TCFL5: variants seen among roughly 807,000 people sequenced by gnomAD.
TCFL5 encodes transcription factor like 5.
TCFL5 carries 9 observed loss-of-function variants against 44.3 expected under a neutral mutation model. The ratio of observed to expected loss-of-function variants is 0.20; its 90% CI spans 0.12 to 0.35. TCFL5 has a LOEUF of 0.35. Among genes scored for constraint, TCFL5 ranks in the 10% least tolerant of loss-of-function variants. The pLI is 1.00. For missense variants in TCFL5, 603 were observed against 613.4 expected, an observed-to-expected ratio of 0.98 and a Z score of 0.18; for synonymous variants, 319 against 271.6, an observed-to-expected ratio of 1.17 and a Z score of -1.72.
intron 4 of TCFL5, among the ~76,000 whole-genome samples, chr20:62,856,900 G>A (rs2063901157): frequency 6.6e-6 from 1 of 152,128 alleles, no homozygotes; most frequent in Non-Finnish European, 1.5e-5. Context: ...AAACGATATG[G>A]CTGACACTGA....
At chr20:62,853,032 G>A (rs2147268343) in intron 5 of TCFL5, 1 of 1,247,602 alleles carries the variant, frequency 8.0e-7, no homozygotes. Context: ...CCGGTCCACA[G>A]AAGCATAGTC....
At chr20:62,852,910 G>A (rs1324260146) in intron 5 of TCFL5, 2 of 1,289,332 alleles carry the variant, frequency 1.6e-6, no homozygotes, top group Non-Finnish European at 1.0e-6. Flanking sequence ...CATTCACCCA[G>A]TCAGCAGAAG....
rs377055654 is a variant in TCFL5, at chr20:62,860,873, G to A, written c.647+151C>T. ...ACAGCGCACACAGCCTTTCGGGGCGGCCCCAGACCCGGTGAGGTCCGCGCC... is the reference window on the plus strand; with the variant it reads ...ACAGCGCACACAGCCTTTCGGGGCGACCCCAGACCCGGTGAGGTCCGCGCC... On this transcript the variant is annotated intron_variant, in intron 1 of 5. Transcript: ENST00000335351. 9.5e-5 allele frequency: 55 copies of A among 577,284 alleles called. No individual in the cohort carries two copies. The East Asian group carries it at 4.1e-3, about 43-fold the overall frequency. 35.8% of individuals were successfully genotyped at this position (577,284 alleles called of 1,614,324 possible).
chr20:62,855,410 A>C (rs946151323), intron 4 of TCFL5, among the ~76,000 whole-genome samples: 4 of 152,124 alleles, frequency 2.6e-5, no homozygotes, highest in Non-Finnish European at 5.9e-5. Flanking sequence ...CAATCCTCCC[A>C]CCTCGGCCCA....
intron 5 of TCFL5, among the ~76,000 whole-genome samples, chr20:62,844,216 A>G (rs2063710529): frequency 6.6e-6 from 1 of 152,166 alleles, no homozygotes; most frequent in African/African-American, 2.4e-5. Context: ...ATGTCTCCAC[A>G]TCCTTGCCAA....
intron 4 of TCFL5, 148 bp from the exon 5 acceptor site, chr20:62,854,305 C>A: frequency 9.5e-7 from 1 of 1,055,302 alleles, no homozygotes; most frequent in South Asian, 1.7e-5. Flanking sequence ...CACAGGAAGC[C>A]CCACGGCTTT....
At chr20:62,851,867 T>G (rs2063814493) in intron 5 of TCFL5, 1 of 971,198 alleles carries the variant, frequency 1.0e-6, no homozygotes, top group African/African-American at 1.8e-5. Context: ...TGCAGTGCAG[T>G]GGTGCTATCT....
At chr20:62,843,430 C>T (rs1044480056) in intron 5 of TCFL5, among the ~76,000 whole-genome samples, 1 of 147,344 alleles carries the variant, frequency 6.8e-6, no homozygotes, top group Non-Finnish European at 1.5e-5. Context: ...AATAATTCAG[C>T]GGGGGTGGGA....
chr20:62,841,270 G>A lies in TCFL5; in HGVS notation c.*705C>T, dbSNP rs201357360. 6.6e-6 allele frequency: 1 copy of A among 151,496 alleles called. No individual in the cohort carries two copies. Among genetic ancestry groups the A allele is most frequent in the Non-Finnish European group, 1.5e-5 (1 of 68,792 alleles). The allele number at this position is 151,496 out of a possible 1,614,324, so 9.4% of individuals were successfully genotyped here. On this transcript the variant is annotated 3_prime_UTR_variant, in exon 6 of 6. Coordinates refer to ENST00000335351, the MANE Select transcript of TCFL5 (RefSeq NM_006602.4). ...TCTATTGCTATTACCTGTTGTGATT[G>A]ATAAGTAAAGCCACTCATTGAAAAA...
intron 5 of TCFL5, among the ~76,000 whole-genome samples, chr20:62,847,885 A>C (rs1446318744): frequency 6.6e-6 from 1 of 152,206 alleles, no homozygotes; most frequent in African/African-American, 2.4e-5. Context: ...TGGCGTGACC[A>C]AACGGCATGG....
At position 62,849,164 on chromosome 20, in the gene TCFL5, C is replaced by CAA. The variant is rs35886043; in HGVS notation, c.1380+4850_1380+4851dup. ...TGGGCAACAGAGCGAGACGCCGTCT[C>CAA]AAAAAAAAAACACGGAAGTATTTAA... On this transcript the variant is annotated intron_variant, in intron 5 of 5. Coordinates refer to ENST00000335351, the MANE Select transcript of TCFL5 (RefSeq NM_006602.4). Among the ~76,000 whole-genome samples the CAA allele has an allele frequency of 5.5e-4, 80 of 146,214 alleles. 1 individual carries two copies. Among genetic ancestry groups the CAA allele is most frequent in the South Asian group, 3.1e-3 (14 of 4,584 alleles).
chr20:62,850,285 C>G (rs566038683), intron 5 of TCFL5, among the ~76,000 whole-genome samples: 1 of 152,190 alleles, frequency 6.6e-6, no homozygotes, highest in African/African-American at 2.4e-5. Flanking sequence ...CACTAGAAAA[C>G]GAACAGAAGT....
chr20:62,860,093 A>C, intron 2 of TCFL5, 32 bp downstream of exon 2: 1 of 1,579,526 alleles, frequency 6.3e-7, no homozygotes, highest in African/African-American at 1.4e-5. Flanking sequence ...TTTAATACAA[A>C]AGAGCAAAGC....
intron 3 of TCFL5, among the ~76,000 whole-genome samples, chr20:62,858,320 C>G (rs896739514): frequency 6.6e-6 from 1 of 152,264 alleles, no homozygotes; most frequent in African/African-American, 2.4e-5. Context: ...GTATGCCACA[C>G]AAAGCACCCA....
chr20:62,861,270 A>C lies in TCFL5; in HGVS notation c.401T>G (p.Leu134Arg). Residue 134 changes from leucine (L) to arginine (R), a missense_variant, in exon 1 of 6, where the codon CTA becomes CGA. Physicochemically the swap from Leu to Arg is moderately radical, Grantham distance 102. This residue lies in a region of TCFL5 where 540 missense variants were observed against 478.7 expected (regional missense o/e 1.13). Transcript: ENST00000335351. The surrounding 1 kb of genome is among the most constrained non-coding windows in gnomAD (Gnocchi z 4.0). ...CTTCTCCGCCGCGCCCGCCTCGCTT[A>C]GCAGCATCATGCGCAGCTCCTGGAA... ...IDFQELRMMLLSEAGAAEKTS... is the reference protein window; with the variant it reads ...IDFQELRMMLRSEAGAAEKTS... The C allele has an allele frequency of 8.2e-7, 1 of 1,218,474 alleles. No homozygotes were observed. The highest frequency in any genetic ancestry group is 1.7e-5 in the South Asian group (1 of 60,328). 75.5% of individuals were successfully genotyped at this position (1,218,474 alleles called of 1,614,324 possible). A position where few individuals can be genotyped will look rare whatever the true frequency, so the allele number is the denominator to read the frequency against.
At chr20:62,843,133 A>G (rs1380606805) in intron 5 of TCFL5, among the ~76,000 whole-genome samples, 2 of 152,252 alleles carry the variant, frequency 1.3e-5, no homozygotes, top group Non-Finnish European at 2.9e-5. Flanking sequence ...TTCCCTTTTC[A>G]ACAAATGAAC....
At chr20:62,857,958 A>G (rs2063920607) in intron 3 of TCFL5, among the ~76,000 whole-genome samples, 1 of 152,170 alleles carries the variant, frequency 6.6e-6, no homozygotes, top group South Asian at 2.1e-4. Flanking sequence ...ACAGAAAACA[A>G]GAAGTTGTTT....
In TCFL5 at chr20:62,852,701, C is replaced by T. The variant is rs1407056847; in HGVS notation, c.1380+1315G>A. 1.4e-5 allele frequency: 14 copies of T among 984,262 alleles called. No individual in the cohort carries two copies. The South Asian group carries it at 3.3e-4, about 23-fold the overall frequency. 61.0% of individuals were successfully genotyped at this position (984,262 alleles called of 1,614,324 possible). A position where few individuals can be genotyped will look rare whatever the true frequency, so the allele number is the denominator to read the frequency against. ...CCCGGTCCACAGAAGTACAGTCACC[C>T]GGTCCACAGAAGTATATTCACCTGG... On this transcript the variant is annotated intron_variant, in intron 5 of 5. Transcript: ENST00000335351.
At chr20:62,857,735 T>C in intron 3 of TCFL5, 97 bp from the exon 4 acceptor site, 1 of 1,425,590 alleles carries the variant, frequency 7.0e-7, no homozygotes, top group East Asian at 2.3e-5. Context: ...GATATAAACA[T>C]TATTGGGTAA....
Sources: allele counts gnomAD v4.1 joint callset (sites outside exome capture counted in the v4.1 genomes callset), GRCh38; gene constraint gnomAD v4.1.1; regional missense constraint gnomAD v4.1.1; non-coding constraint Gnocchi (gnomAD v3.1); transcripts MANE v1.5; gene names NCBI Gene and HGNC (gene_info 2026-07-23, HGNC 2026-07-21).